Variants in GRM8 observed in about 807,000 individuals in gnomAD.
The protein encoded by GRM8 is glutamate metabotropic receptor 8.
Under a neutral mutation model 87.2 loss-of-function variants are expected in GRM8, and 47 were observed. The observed-to-expected ratio is 0.54, with a 90% confidence interval of 0.43 to 0.69. GRM8 has a LOEUF of 0.69. GRM8 is among the 30% of genes least tolerant of loss of function. The pLI is 0.00. For missense variants in GRM8, 1,019 were observed against 1,139.2 expected (o/e 0.89, Z 1.52); for synonymous variants, 396 against 404.5 (o/e 0.98, Z 0.25).
intron 6 of GRM8, among the ~76,000 whole-genome samples, chr7:126,811,938 A>C (rs1227323130): frequency 6.6e-6 from 1 of 151,930 alleles, no homozygotes; most frequent in African/African-American, 2.4e-5. Context: ...GTATTGTTCC[A>C]GTTCTTAGAA....
intron 8 of GRM8, among the ~76,000 whole-genome samples, chr7:126,552,653 A>T (rs1792710185): frequency 6.6e-6 from 1 of 152,156 alleles, no homozygotes; most frequent in African/African-American, 2.4e-5. Flanking sequence ...CTAAGTATTT[A>T]CTATGTGTTA....
intron 8 of GRM8, among the ~76,000 whole-genome samples, chr7:126,573,674 T>C (rs1352564208): frequency 6.6e-6 from 1 of 151,970 alleles, no homozygotes; most frequent in East Asian, 1.9e-4. Flanking sequence ...AACGTCCGCC[T>C]CCCGGGTTCA....
At chr7:126,656,073 A>G (rs1229833985) in intron 7 of GRM8, among the ~76,000 whole-genome samples, 1 of 152,200 alleles carries the variant, frequency 6.6e-6, no homozygotes, top group Non-Finnish European at 1.5e-5. Context: ...AACTTTTAGT[A>G]TTGGCTTTCC....
intron 8 of GRM8, among the ~76,000 whole-genome samples, chr7:126,558,647 CT>C (rs1793391601): frequency 6.6e-6 from 1 of 152,118 alleles, no homozygotes; most frequent in Non-Finnish European, 1.5e-5. Context: ...AGTTTTTATA[CT>C]GCATTTTTTA....
At chr7:126,854,396 A>T (rs117967721) in intron 6 of GRM8, among the ~76,000 whole-genome samples, 397 of 152,188 alleles carry the variant, frequency 2.6e-3, no homozygotes, top group Non-Finnish European at 4.5e-3. Context: ...TTTCACTTGG[A>T]TGGTTTAATC....
Position 127,062,039 on chromosome 7 carries a change from G to A in GRM8, c.727+44457C>T, listed in dbSNP as rs147350774. 9.1e-3 allele frequency among the ~76,000 whole-genome samples: 1,378 copies of A among 152,070 alleles called. 21 individuals are homozygous for A. The highest frequency in any genetic ancestry group is 0.031 in the African/African-American group (1,281 of 41,474). On this transcript the variant is annotated intron_variant, in intron 3 of 10. Transcript: ENST00000339582. The stretch of plus-strand genomic sequence containing the variant: ...TGTGCCTGTAATCCCGGCTACTCAG[G>A]AGGCTGAGGCAGGAGAATTGCTTGA...
At chr7:126,918,177 G>A (rs558360149) in intron 3 of GRM8, among the ~76,000 whole-genome samples, 1 of 152,136 alleles carries the variant, frequency 6.6e-6, no homozygotes, top group Non-Finnish European at 1.5e-5. Context: ...TCTTGCCAGC[G>A]GCCTTGGAAT....
intron 9 of GRM8, among the ~76,000 whole-genome samples, chr7:126,453,757 T>C (rs1802907960): frequency 6.6e-6 from 1 of 151,834 alleles, no homozygotes; most frequent in South Asian, 2.1e-4. Context: ...TTTAAAACTA[T>C]GGCATTATTA....
chr7:127,189,421 G>A (rs911319340), intron 2 of GRM8, among the ~76,000 whole-genome samples: 9 of 152,094 alleles, frequency 5.9e-5, no homozygotes, highest in Non-Finnish European at 1.0e-4. Flanking sequence ...TGTACAGCAG[G>A]TCCAGTTTCT....
intron 3 of GRM8, among the ~76,000 whole-genome samples, chr7:126,963,276 A>G (rs890579737): frequency 6.6e-5 from 10 of 152,208 alleles, no homozygotes; most frequent in Non-Finnish European, 1.3e-4. Context: ...TACAATCATC[A>G]GTTTATTTCT....
rs565236090 is a variant in GRM8 at position 127,009,804 on chromosome 7, A to T, written c.727+96692T>A. On this transcript the variant is annotated intron_variant, in intron 3 of 10. Transcript: ENST00000339582. The stretch of plus-strand genomic sequence containing the variant: ...CTCCTTTAAATTCTTTTCAACCCGT[A>T]TAGCATGGTCAGAAATAAGGCTTAG... Among the ~76,000 whole-genome samples, 56 of 152,068 alleles carry T rather than the reference A, an allele frequency of 3.7e-4. 1 individual carries two copies. In the South Asian group the frequency reaches 6.6e-3, roughly 18 times the overall value.
chr7:126,695,481 G>A (rs1563099480), intron 7 of GRM8, among the ~76,000 whole-genome samples: 1 of 152,138 alleles, frequency 6.6e-6, no homozygotes, highest in South Asian at 2.1e-4. Context: ...TAAACATCAA[G>A]AAGAATTCCT....
intron 3 of GRM8, among the ~76,000 whole-genome samples, chr7:127,012,116 C>A (rs1814953783): frequency 6.6e-6 from 1 of 152,142 alleles, no homozygotes; most frequent in South Asian, 2.1e-4. Flanking sequence ...TGTCAACTCA[C>A]CTGGATTCTG....
chr7:126,824,765 C>T (rs1298048341), intron 6 of GRM8, among the ~76,000 whole-genome samples: 1 of 152,270 alleles, frequency 6.6e-6, no homozygotes, highest in Non-Finnish European at 1.5e-5. Context: ...AAATTATTTT[C>T]TTCACCTTCT....
intron 8 of GRM8, among the ~76,000 whole-genome samples, chr7:126,599,747 G>C (rs1049481095): frequency 2.0e-5 from 3 of 152,108 alleles, no homozygotes; most frequent in Admixed American, 2.0e-4. Context: ...TAATGAATGT[G>C]TGTTTAAAGT....
chr7:127,062,247 G>C (rs1820677119), intron 3 of GRM8, among the ~76,000 whole-genome samples: 1 of 152,172 alleles, frequency 6.6e-6, no homozygotes, highest in African/African-American at 2.4e-5. Context: ...TAGCTAAGCT[G>C]GTGAAGCCAG....
chr7:127,231,353 C>G (rs555414628), intron 2 of GRM8, among the ~76,000 whole-genome samples: 49 of 152,190 alleles, frequency 3.2e-4, no homozygotes, highest in Non-Finnish European at 5.9e-5. Flanking sequence ...AAACTCTGCA[C>G]TGATTTCTTT....
rs541676630 is a variant in GRM8 at position 126,491,660 on chromosome 7, C to T, written c.2430+41292G>A. ...TTCTTTTCTTATAGCTTCTGTGAAC[C>T]TTTAGCCAATTTATTTTATCTTTCT... On this transcript the variant is annotated intron_variant, in intron 9 of 10. Transcript: ENST00000339582. 1.2e-4 allele frequency among the ~76,000 whole-genome samples: 18 copies of T among 152,106 alleles called. No homozygotes were observed. The South Asian group carries it at 2.7e-3, about 23-fold the overall frequency.
intron 6 of GRM8, among the ~76,000 whole-genome samples, chr7:126,784,274 A>G (rs1325590808): frequency 6.6e-6 from 1 of 152,358 alleles, no homozygotes; most frequent in Non-Finnish European, 1.5e-5. Flanking sequence ...AAAAAATTGA[A>G]AACAGTTTCA....
Sources: gnomAD v4.1 joint callset for allele counts (sites outside exome capture counted in the v4.1 genomes callset) on GRCh38, gnomAD v4.1.1 for gene constraint, MANE v1.5 for transcripts, NCBI Gene and HGNC (gene_info 2026-07-23, HGNC 2026-07-21) for gene names.